Variants in SRPK2 observed in about 807,000 individuals in gnomAD.
The protein encoded by SRPK2 is SFRS protein kinase 2.
In SRPK2, 21 loss-of-function variants were observed where a neutral mutation model predicts 90.8. That is an observed-to-expected ratio of 0.23 (90% CI 0.16 to 0.33). SRPK2 has a LOEUF of 0.33. Among genes scored for constraint, SRPK2 ranks in the 10% least tolerant of loss-of-function variants. The pLI is 1.00. For synonymous variants in SRPK2, 288 were observed against 311.1 expected, an observed-to-expected ratio of 0.93 and a Z score of 0.78; for missense variants, 620 against 869.0, an observed-to-expected ratio of 0.71 and a Z score of 3.60.
chr7:105,131,300 C>T (rs986494653), intron 13 of SRPK2, among the ~76,000 whole-genome samples: 1 of 152,172 alleles, frequency 6.6e-6, no homozygotes, highest in African/African-American at 2.4e-5. Flanking sequence ...GCTCCCGTTA[C>T]ACTAACTCCC....
chr7:105,297,444 T>G (rs1809967749), intron 2 of SRPK2: 1 of 985,158 alleles, frequency 1.0e-6, no homozygotes, highest in Non-Finnish European at 1.2e-6. Context: ...TGCATATTTT[T>G]CAAAACACAT....
chr7:105,215,463 T>G (rs574025577), intron 2 of SRPK2, among the ~76,000 whole-genome samples: 8 of 152,310 alleles, frequency 5.3e-5, no homozygotes, highest in African/African-American at 1.9e-4. Context: ...AAAAGAGTTA[T>G]GATGCAGCAA....
intron 2 of SRPK2, among the ~76,000 whole-genome samples, chr7:105,225,163 C>T (rs929100343): frequency 4.0e-5 from 6 of 150,316 alleles, no homozygotes; most frequent in African/African-American, 1.5e-4. Context: ...TTTTAGAGAC[C>T]CCCATCTCTC....
At chr7:105,380,830 A>C (rs1820860132) in intron 2 of SRPK2, among the ~76,000 whole-genome samples, 2 of 151,816 alleles carry the variant, frequency 1.3e-5, no homozygotes, top group Admixed American at 6.6e-5. Flanking sequence ...CTGCTAAAAA[A>C]TTTTTAAATT....
chr7:105,365,841 TC>T (rs1257986811), intron 2 of SRPK2, among the ~76,000 whole-genome samples: 1 of 150,894 alleles, frequency 6.6e-6, no homozygotes, highest in Non-Finnish European at 1.5e-5. Flanking sequence ...ATAGCCTTTC[TC>T]CTCAATGATT....
At chr7:105,175,948 T>TA (rs1471927932) in intron 3 of SRPK2, among the ~76,000 whole-genome samples, 1 of 151,958 alleles carries the variant, frequency 6.6e-6, no homozygotes, top group African/African-American at 2.4e-5. Flanking sequence ...TCCTAAAAAG[T>TA]AAAAAAAGAG....
intron 2 of SRPK2, among the ~76,000 whole-genome samples, chr7:105,261,535 A>C (rs1360518434): frequency 6.6e-6 from 1 of 152,146 alleles, no homozygotes; most frequent in Non-Finnish European, 1.5e-5. Context: ...CTCAAAAAAA[A>C]AAAGAAAGAA....
At position 105,385,428 on chromosome 7, in the gene SRPK2, G is replaced by C. The variant is rs538690910; in HGVS notation, c.71+3220C>G. ...CCTGACCTCGTGATCCGCCCGCCTC[G>C]GCCTCCCAAAGTGCTGGGATTACAG... On this transcript the variant is annotated intron_variant, in intron 2 of 15. Coordinates refer to ENST00000393651, the MANE Select transcript of SRPK2 (RefSeq NM_182692.3). Among the ~76,000 whole-genome samples the C allele has an allele frequency of 8.6e-5, 13 of 151,590 alleles. No individual in the cohort carries two copies. The East Asian group carries it at 2.5e-3, about 29-fold the overall frequency.
rs925973247 is a variant in SRPK2 at position 105,277,557 on chromosome 7, A to C, written c.72-73772T>G. ...CAAGAATAAAGCAATTCCTCTGCGTAATCTAGGAGGGTGGATGATTAACTG... is the reference window on the plus strand; with the variant it reads ...CAAGAATAAAGCAATTCCTCTGCGTCATCTAGGAGGGTGGATGATTAACTG... On this transcript the variant is annotated intron_variant, in intron 2 of 15. Coordinates refer to ENST00000393651, the MANE Select transcript of SRPK2 (RefSeq NM_182692.3). 2.0e-5 allele frequency among the ~76,000 whole-genome samples: 3 copies of C among 152,206 alleles called. No individual in the cohort carries two copies. The South Asian group carries it at 6.2e-4, about 31-fold the overall frequency.
Position 105,321,404 on chromosome 7 carries a change from C to G in SRPK2, c.71+67244G>C, listed in dbSNP as rs1585697067. On this transcript the variant is annotated intron_variant, in intron 2 of 15. Transcript: ENST00000393651. ...TAACATACAGGTAAATCTTCATGAC[C>G]TTGGGTATGACAACAGATTCTTAGA... Among the ~76,000 whole-genome samples, 9 of 152,258 alleles carry G rather than the reference C, an allele frequency of 5.9e-5. No homozygotes were observed. The East Asian group carries it at 1.7e-3, about 29-fold the overall frequency.
At chr7:105,260,593 T>C (rs1033522531) in intron 2 of SRPK2, among the ~76,000 whole-genome samples, 11 of 152,228 alleles carry the variant, frequency 7.2e-5, no homozygotes, top group East Asian at 1.9e-4. Context: ...CCTATGTTTA[T>C]TGTGGCACTA....
intron 2 of SRPK2, among the ~76,000 whole-genome samples, chr7:105,249,295 G>GT (rs1453804613): frequency 6.6e-6 from 1 of 151,994 alleles, no homozygotes; most frequent in Non-Finnish European, 1.5e-5. Flanking sequence ...ACACTTACTG[G>GT]TTTTTTTAAT....
chr7:105,187,553 C>A (rs1279867683), intron 3 of SRPK2, among the ~76,000 whole-genome samples: 3 of 152,190 alleles, frequency 2.0e-5, no homozygotes, highest in Non-Finnish European at 4.4e-5. Flanking sequence ...CTTTTACCTT[C>A]CTGAAACTGA....
intron 2 of SRPK2, among the ~76,000 whole-genome samples, chr7:105,289,917 T>C (rs540806454): frequency 6.6e-6 from 1 of 152,076 alleles, no homozygotes; most frequent in South Asian, 2.2e-4. Context: ...ATTGTAGGAT[T>C]ATGAATTAGC....
At chr7:105,291,716 C>T (rs1406206489) in intron 2 of SRPK2, among the ~76,000 whole-genome samples, 1 of 151,706 alleles carries the variant, frequency 6.6e-6, no homozygotes, top group Non-Finnish European at 1.5e-5. Context: ...GGCAACAGAA[C>T]GAGATTTTTT....
intron 7 of SRPK2, among the ~76,000 whole-genome samples, chr7:105,160,009 C>G (rs1263783042): frequency 2.6e-5 from 4 of 152,100 alleles, no homozygotes; most frequent in African/African-American, 9.7e-5. Context: ...TAACAAATTC[C>G]AAGTACACAA....
intron 2 of SRPK2, among the ~76,000 whole-genome samples, chr7:105,383,925 C>G (rs1171942189): frequency 6.6e-6 from 1 of 152,026 alleles, no homozygotes; most frequent in Non-Finnish European, 1.5e-5. Flanking sequence ...TTCATAGAGA[C>G]TTAGAATGTA....
chr7:105,117,965 T>C lies in SRPK2; in HGVS notation c.1973A>G (p.Glu658Gly). Reference sequence around the variant, plus strand: ...ATCTTCATGGGGCCAGCCATACTTTTCCACAAGTACATCAAAGAGGCTCCA... The same window carrying C: ...ATCTTCATGGGGCCAGCCATACTTTCCCACAAGTACATCAAAGAGGCTCCA... ...KPWSLFDVLV[E>G]KYGWPHEDAA... is the part of the protein sequence containing the mutation. Residue 658 changes from glutamate (E) to glycine (G), a missense_variant, in exon 16 of 16, where the codon GAA becomes GGA. By Grantham distance (98) the Glu-to-Gly change is moderately conservative. Around this residue, in one of 8 missense-constraint regions of SRPK2, gnomAD observed 71 missense variants for 123.1 expected, o/e 0.58. Coordinates refer to ENST00000393651, the MANE Select transcript of SRPK2 (RefSeq NM_182692.3). 6.2e-7 allele frequency: 1 copy of C among 1,614,194 alleles called. No individual in the cohort carries two copies. Among genetic ancestry groups the C allele is most frequent in the Non-Finnish European group, 8.5e-7 (1 of 1,180,022 alleles).
At chr7:105,312,426 T>A (rs1439279206) in intron 2 of SRPK2, among the ~76,000 whole-genome samples, 4 of 74,936 alleles carry the variant, frequency 5.3e-5, no homozygotes, top group East Asian at 4.5e-4. Flanking sequence ...AGCAACAGAG[T>A]GAGACTCCGT....
Sources: gnomAD v4.1 joint callset for allele counts (sites outside exome capture counted in the v4.1 genomes callset) on GRCh38, gnomAD v4.1.1 for gene constraint, gnomAD v4.1.1 regional missense constraint, MANE v1.5 for transcripts, NCBI Gene and HGNC (gene_info 2026-07-23, HGNC 2026-07-21) for gene names.